SPOCK1: variants seen among roughly 807,000 people sequenced by gnomAD.
SPOCK1 encodes the protein SPARC (osteonectin), cwcv and kazal like domains proteoglycan 1, also known as testican-1.
SPOCK1 carries 23 observed loss-of-function variants against 55.3 expected under a neutral mutation model. That is an observed-to-expected ratio of 0.42 (90% CI 0.30 to 0.59). SPOCK1 has a LOEUF of 0.59. Ranked by LOEUF, SPOCK1 falls within the 20% of genes least tolerant of loss-of-function variation. The pLI is 0.22. For synonymous variants in SPOCK1, 226 were observed against 221.0 expected (o/e 1.02, Z -0.20); for missense variants, 499 against 552.5 (o/e 0.90, Z 0.97).
At chr5:136,980,691 C>T (rs1226999018) in intron 9 of SPOCK1, among the ~76,000 whole-genome samples, 2 of 152,172 alleles carry the variant, frequency 1.3e-5, no homozygotes, top group African/African-American at 4.8e-5. Flanking sequence ...TTTACCCAGT[C>T]TCAGGTCTAT....
At position 137,189,591 on chromosome 5, in the gene SPOCK1, C is replaced by T. The variant is rs528962954; in HGVS notation, c.233-48897G>A. 2.0e-5 allele frequency among the ~76,000 whole-genome samples: 3 copies of T among 152,312 alleles called. No individual in the cohort carries two copies. The South Asian group carries it at 6.2e-4, about 32-fold the overall frequency. On this transcript the variant is annotated intron_variant, in intron 3 of 10. Transcript: ENST00000394945. ...ATAATACTGCTCATTCACAATGCAT[C>T]TGGTCATTCAAGAGCTCTGATGAAA...
chr5:136,998,977 C>A (rs1008831030), intron 6 of SPOCK1, among the ~76,000 whole-genome samples: 3 of 152,190 alleles, frequency 2.0e-5, no homozygotes, highest in Non-Finnish European at 4.4e-5. Flanking sequence ...GTAAATAAGG[C>A]ACGTTCAGTC....
chr5:137,214,831 C>T (rs575257470), intron 3 of SPOCK1, among the ~76,000 whole-genome samples: 1 of 152,284 alleles, frequency 6.6e-6, no homozygotes, highest in Non-Finnish European at 1.5e-5. Context: ...TATATCAAAT[C>T]ATGATCAGTT....
rs58973016 is a variant in SPOCK1, at chr5:137,246,556, C to A, written c.232+20454G>T. Among the ~76,000 whole-genome samples, 999 of 152,300 alleles carry A rather than the reference C, an allele frequency of 6.6e-3. 23 individuals carry two copies. The highest frequency in any genetic ancestry group is 0.022 in the African/African-American group (933 of 41,574). ...ATCAAGGCTTCCAGAGCTTCCACTG[C>A]CATCTCCACATTTCACTGCTTCTCA... On this transcript the variant is annotated intron_variant, in intron 3 of 10. Transcript: ENST00000394945.
intron 3 of SPOCK1, among the ~76,000 whole-genome samples, chr5:137,253,242 C>A (rs1349488327): frequency 6.6e-6 from 1 of 152,206 alleles, no homozygotes; most frequent in Non-Finnish European, 1.5e-5. Flanking sequence ...ATTCATGAAA[C>A]TGAAGCTCTA....
intron 2 of SPOCK1, chr5:137,313,609 T>C (rs1006226772): frequency 1.7e-5 from 6 of 350,116 alleles, no homozygotes; most frequent in African/African-American, 2.2e-5. Context: ...CCAGAACATA[T>C]TGCTACTTTG....
chr5:137,115,421 A>G (rs929469345), intron 4 of SPOCK1, among the ~76,000 whole-genome samples: 4 of 151,878 alleles, frequency 2.6e-5, no homozygotes, highest in African/African-American at 9.7e-5. Context: ...ACCAGCATCA[A>G]TCTGGGACTA....
At chr5:137,104,422 AT>A (rs1753327293) in intron 5 of SPOCK1, among the ~76,000 whole-genome samples, 1 of 152,194 alleles carries the variant, frequency 6.6e-6, no homozygotes, top group African/African-American at 2.4e-5. Flanking sequence ...AGTCTCAGGT[AT>A]TTCTTTATAG....
At chr5:137,282,416 T>C (rs1757183737) in intron 2 of SPOCK1, among the ~76,000 whole-genome samples, 1 of 152,214 alleles carries the variant, frequency 6.6e-6, no homozygotes, top group Non-Finnish European at 1.5e-5. Flanking sequence ...AACACGCATG[T>C]GTGATGGATT....
intron 2 of SPOCK1, among the ~76,000 whole-genome samples, chr5:137,436,102 G>A (rs772235095): frequency 6.6e-6 from 1 of 152,096 alleles, no homozygotes; most frequent in African/African-American, 2.4e-5. Context: ...AGGTTGCGGT[G>A]AGCCAGAATT....
intron 2 of SPOCK1, among the ~76,000 whole-genome samples, chr5:137,284,856 T>A (rs1757232239): frequency 6.6e-6 from 1 of 152,124 alleles, no homozygotes; most frequent in East Asian, 1.9e-4. Flanking sequence ...AACTACAAGA[T>A]GAGGGAACAG....
At chr5:137,430,815 C>T (rs1053104104) in intron 2 of SPOCK1, among the ~76,000 whole-genome samples, 5 of 152,184 alleles carry the variant, frequency 3.3e-5, no homozygotes, top group African/African-American at 4.8e-5. Flanking sequence ...CCAAAAGCCA[C>T]GGCAAACACC....
intron 3 of SPOCK1, among the ~76,000 whole-genome samples, chr5:137,210,232 T>C (rs1201401445): frequency 6.6e-6 from 1 of 152,180 alleles, no homozygotes; most frequent in Non-Finnish European, 1.5e-5. Context: ...ACACCCTCCC[T>C]CTTCTATAGA....
intron 2 of SPOCK1, among the ~76,000 whole-genome samples, chr5:137,334,644 A>T (rs1274695171): frequency 6.6e-6 from 1 of 152,230 alleles, no homozygotes; most frequent in Non-Finnish European, 1.5e-5. Context: ...TTCGGTTCAG[A>T]ATGAAGCAAT....
chr5:137,007,484 T>C (rs772529075), intron 6 of SPOCK1, among the ~76,000 whole-genome samples: 7 of 152,142 alleles, frequency 4.6e-5, no homozygotes, highest in African/African-American at 1.7e-4. Context: ...GCAAAGGATA[T>C]GAACAGACAG....
At chr5:137,462,959 G>A (rs1753520258) in intron 2 of SPOCK1, among the ~76,000 whole-genome samples, 2 of 152,294 alleles carry the variant, frequency 1.3e-5, no homozygotes, top group South Asian at 4.2e-4. Flanking sequence ...TCAGGGAGTG[G>A]AAAAGGATGA....
chr5:137,038,049 G>A (rs1335322173), intron 6 of SPOCK1, among the ~76,000 whole-genome samples: 1 of 152,202 alleles, frequency 6.6e-6, no homozygotes, highest in Non-Finnish European at 1.5e-5. Context: ...CTTGCCTGAG[G>A]GTGGAGCTGT....
intron 2 of SPOCK1, among the ~76,000 whole-genome samples, chr5:137,315,318 C>T (rs1387306954): frequency 1.3e-5 from 2 of 152,208 alleles, no homozygotes; most frequent in Admixed American, 6.5e-5. Context: ...ATCTGTCATT[C>T]TCATGAGGCT....
chr5:137,103,705 T>C (rs1209519163), intron 5 of SPOCK1, among the ~76,000 whole-genome samples: 1 of 152,216 alleles, frequency 6.6e-6, no homozygotes, highest in East Asian at 1.9e-4. Flanking sequence ...ACCTATATCC[T>C]AACTAACACA....
Sources: allele counts gnomAD v4.1 joint callset (sites outside exome capture counted in the v4.1 genomes callset), GRCh38; gene constraint gnomAD v4.1.1; transcripts MANE v1.5; gene names NCBI Gene and HGNC (gene_info 2026-07-23, HGNC 2026-07-21).